SCFD2: variants seen among roughly 807,000 people sequenced by gnomAD.
SCFD2 encodes the protein sec1 family domain-containing protein 2.
A neutral mutation model predicts 58.9 loss-of-function variants in SCFD2; 54 were observed. The ratio of observed to expected loss-of-function variants is 0.92; its 90% confidence interval spans 0.74 to 1.15. The LOEUF is 1.15. Among genes scored for constraint, SCFD2 ranks in the 50% most tolerant of loss-of-function variants. The pLI is 0.00. For missense variants in SCFD2, 805 were observed against 836.6 expected (o/e 0.96, Z 0.47); for synonymous variants, 321 against 335.9 (o/e 0.96, Z 0.49).
At chr4:53,007,305 G>GGGGAGAGA (rs1553913998) in intron 5 of SCFD2, among the ~76,000 whole-genome samples, 3 of 66,072 alleles carry the variant, frequency 4.5e-5, no homozygotes, top group East Asian at 4.0e-4. Context: ...AGAGGGAGAG[G>GGGGAGAGA]GAGAGAGAGA....
intron 2 of SCFD2, among the ~76,000 whole-genome samples, chr4:53,318,365 T>C (rs1354319334): frequency 6.6e-6 from 1 of 152,156 alleles, no homozygotes; most frequent in Admixed American, 6.5e-5. Context: ...TCAGATTCTA[T>C]ATTCTATTTC....
At chr4:53,358,009 A>T (rs1734448610) in intron 1 of SCFD2, among the ~76,000 whole-genome samples, 1 of 152,248 alleles carries the variant, frequency 6.6e-6, no homozygotes, top group South Asian at 2.1e-4. Flanking sequence ...TGGGATAATT[A>T]TAATACTTAT....
At chr4:53,003,336 T>C (rs553731247) in intron 5 of SCFD2, among the ~76,000 whole-genome samples, 1 of 152,340 alleles carries the variant, frequency 6.6e-6, no homozygotes, top group East Asian at 1.9e-4. Context: ...CAGTAATCAG[T>C]AGCCACATGT....
chr4:53,249,252 G>A (rs1374554390), intron 4 of SCFD2, among the ~76,000 whole-genome samples: 1 of 152,064 alleles, frequency 6.6e-6, no homozygotes, highest in Non-Finnish European at 1.5e-5. Flanking sequence ...GGGAAGTTTA[G>A]AGAAAAAAGA....
chr4:53,272,125 G>A (rs1455424185), intron 4 of SCFD2, among the ~76,000 whole-genome samples: 10 of 152,086 alleles, frequency 6.6e-5, no homozygotes, highest in South Asian at 4.1e-4. Flanking sequence ...ACTGGCCATC[G>A]GAGAAATGCA....
At chr4:53,140,187 C>T (rs1179511847) in intron 5 of SCFD2, among the ~76,000 whole-genome samples, 1 of 150,018 alleles carries the variant, frequency 6.7e-6, no homozygotes, top group African/African-American at 2.5e-5. Flanking sequence ...CCGAGAAACA[C>T]CCAAGAATGA....
intron 6 of SCFD2, among the ~76,000 whole-genome samples, chr4:52,920,158 T>C (rs560128515): frequency 6.6e-6 from 1 of 152,326 alleles, no homozygotes; most frequent in South Asian, 2.1e-4. Context: ...TCTGAGTTTT[T>C]ACACAGCAAT....
chr4:53,038,016 T>G (rs984962241), intron 5 of SCFD2, among the ~76,000 whole-genome samples: 1 of 152,144 alleles, frequency 6.6e-6, no homozygotes, highest in East Asian at 1.9e-4. Context: ...TTATTAAGTC[T>G]GCATTCAGTG....
intron 4 of SCFD2, among the ~76,000 whole-genome samples, chr4:53,250,247 C>T (rs34426398): frequency 0.57 from 86,659 of 151,576 alleles, 25,034 homozygotes; most frequent in Middle Eastern, 0.65. Flanking sequence ...ACAAGAAGAA[C>T]TAACTATCCT....
intron 5 of SCFD2, among the ~76,000 whole-genome samples, chr4:53,015,691 G>C (rs1448449403): frequency 6.6e-6 from 1 of 152,034 alleles, no homozygotes; most frequent in Non-Finnish European, 1.5e-5. Flanking sequence ...CATATGGCAT[G>C]GTCAAATAAT....
Position 53,301,142 on chromosome 4 carries a change from A to T in SCFD2, c.1135+12494T>A, listed in dbSNP as rs1189158128. Among the ~76,000 whole-genome samples, 30 of 152,196 alleles carry T rather than the reference A, an allele frequency of 2.0e-4. 1 individual carries two copies. Among genetic ancestry groups the T allele is most frequent in the Admixed American group, 7.9e-4 (12 of 15,282 alleles). On this transcript the variant is annotated intron_variant, in intron 3 of 8. Transcript: ENST00000401642. ...AATAGAGACACAAAAAACCCTTCAAAAAATCAATAAATCCAGGAGCTGGTT... is the reference window on the plus strand; with the variant it reads ...AATAGAGACACAAAAAACCCTTCAATAAATCAATAAATCCAGGAGCTGGTT...
At chr4:53,112,402 A>G (rs1316112403) in intron 5 of SCFD2, among the ~76,000 whole-genome samples, 1 of 152,088 alleles carries the variant, frequency 6.6e-6, no homozygotes, top group South Asian at 2.1e-4. Context: ...CACCTCATCA[A>G]TATAAACTCA....
chr4:53,339,202 T>C (rs1446714330), intron 2 of SCFD2, among the ~76,000 whole-genome samples: 3 of 152,022 alleles, frequency 2.0e-5, no homozygotes, highest in Admixed American at 2.0e-4. Context: ...GCAGAAATAT[T>C]AAGATGACTA....
chr4:53,201,555 G>A (rs1260181684), intron 4 of SCFD2, among the ~76,000 whole-genome samples: 1 of 152,068 alleles, frequency 6.6e-6, no homozygotes, highest in Non-Finnish European at 1.5e-5. Flanking sequence ...TGGGATGGCT[G>A]GGTCAAATGG....
chr4:53,004,468 A>T (rs867341454), intron 5 of SCFD2, among the ~76,000 whole-genome samples: 1 of 152,188 alleles, frequency 6.6e-6, no homozygotes, highest in African/African-American at 2.4e-5. Flanking sequence ...GCCCTTACAC[A>T]TGCCCGGCAT....
chr4:53,116,656 T>C (rs1251341104), intron 5 of SCFD2, among the ~76,000 whole-genome samples: 1 of 152,240 alleles, frequency 6.6e-6, no homozygotes, highest in Non-Finnish European at 1.5e-5. Flanking sequence ...TGTTCCAGCT[T>C]CTGAATCCAA....
At chr4:53,214,983 G>T (rs935573252) in intron 4 of SCFD2, among the ~76,000 whole-genome samples, 4 of 152,106 alleles carry the variant, frequency 2.6e-5, no homozygotes, top group Non-Finnish European at 5.9e-5. Context: ...CGTTATTTCT[G>T]AGGGCTCTGT....
At position 52,883,093 on chromosome 4, in the gene SCFD2, T is replaced by C. The variant is rs538042159; in HGVS notation, c.1962+2654A>G. On this transcript the variant is annotated intron_variant, in intron 8 of 8. Coordinates refer to ENST00000401642, the MANE Select transcript of SCFD2 (RefSeq NM_152540.4). ...CCCTTCAATTAGGTCACATGTGTTC[T>C]CGAACAGAAGTCTGAGTCTGAGCAG... Among the ~76,000 whole-genome samples the C allele has an allele frequency of 2.6e-5, 4 of 152,358 alleles. No homozygotes were observed. The South Asian group carries it at 8.3e-4, about 32-fold the overall frequency.
chr4:53,113,780 G>A (rs997151705), intron 5 of SCFD2, among the ~76,000 whole-genome samples: 3 of 152,018 alleles, frequency 2.0e-5, no homozygotes, highest in African/African-American at 7.2e-5. Flanking sequence ...ATTGGATAAT[G>A]TTTATAAAGT....
Sources: gnomAD v4.1 joint callset for allele counts (sites outside exome capture counted in the v4.1 genomes callset) on GRCh38, gnomAD v4.1.1 for gene constraint, MANE v1.5 for transcripts, NCBI Gene and HGNC (gene_info 2026-07-23, HGNC 2026-07-21) for gene names.